The following PALM2AKAP2 variants were observed in gnomAD, a reference collection of about 807,000 sequenced individuals.
PALM2AKAP2 encodes PALM2 and AKAP2 fusion, also known as PALM2-AKAP2 fusion protein.
Under a neutral mutation model 71.5 loss-of-function variants are expected in PALM2AKAP2, and 37 were observed. The observed-to-expected ratio is 0.52, with a 90% CI of 0.40 to 0.68. PALM2AKAP2 has a LOEUF of 0.68. PALM2AKAP2 is among the 30% of genes least tolerant of loss of function. PALM2AKAP2 has a pLI of 0.00. For missense variants in PALM2AKAP2, 1,224 were observed against 1,191.8 expected (o/e 1.03, Z -0.40); for synonymous variants, 468 against 478.8 (o/e 0.98, Z 0.29).
At chr9:109,792,641 G>A (rs1183758355) in intron 1 of PALM2AKAP2, among the ~76,000 whole-genome samples, 2 of 152,064 alleles carry the variant, frequency 1.3e-5, no homozygotes, top group East Asian at 1.9e-4. Context: ...TTGAGGGTGG[G>A]AGGGTTGACC....
intron 1 of PALM2AKAP2, among the ~76,000 whole-genome samples, chr9:109,643,549 C>A (rs1827104708): frequency 6.6e-6 from 1 of 152,222 alleles, no homozygotes; most frequent in South Asian, 2.1e-4. Flanking sequence ...AAGGTTTCCT[C>A]CAGGTGTGCT....
intron 1 of PALM2AKAP2, among the ~76,000 whole-genome samples, chr9:109,689,255 T>A (rs1336054115): frequency 1.3e-5 from 2 of 148,626 alleles, no homozygotes; most frequent in African/African-American, 2.5e-5. Context: ...CAGGCTGGAG[T>A]GCAATGGTGC....
intron 2 of PALM2AKAP2, among the ~76,000 whole-genome samples, chr9:110,146,995 A>T (rs1836189879): frequency 6.6e-6 from 1 of 152,172 alleles, no homozygotes; most frequent in South Asian, 2.1e-4. Context: ...TCATGCCTGT[A>T]ATCCCAGCAC....
chr9:110,003,546 C>T (rs1390227806), intron 6 of PALM2AKAP2, among the ~76,000 whole-genome samples: 1 of 152,118 alleles, frequency 6.6e-6, no homozygotes, highest in East Asian at 1.9e-4. Context: ...TCTATTAGGT[C>T]CACTTGGTGC....
chr9:110,080,772 G>A (rs1280806706), intron 1 of PALM2AKAP2, among the ~76,000 whole-genome samples: 4 of 152,076 alleles, frequency 2.6e-5, no homozygotes, highest in Non-Finnish European at 5.9e-5. Flanking sequence ...TCCGCCTCCC[G>A]GGTTCAAGCG....
chr9:109,844,025 C>T lies in PALM2AKAP2; in HGVS notation c.46-23466C>T, dbSNP rs79480990. Among the ~76,000 whole-genome samples, 548 of 152,334 alleles carry T rather than the reference C, an allele frequency of 3.6e-3. 9 individuals carry two copies. Among genetic ancestry groups the T allele is most frequent in the African/African-American group, 0.013 (522 of 41,578 alleles). On this transcript the variant is annotated intron_variant, in intron 1 of 9. Transcript: ENST00000302798. The stretch of plus-strand genomic sequence containing the variant: ...CAACGGTTTTGCAGATTTGGGTTCT[C>T]TTTCTCAAACTGCCTTTTGATGATT...
rs902026624 is a variant in PALM2AKAP2 at position 109,668,062 on chromosome 9, A to T, written c.5+27196A>T. On this transcript the variant is annotated intron_variant, in intron 1 of 6. Transcript: ENST00000374531. Reference sequence around the variant, plus strand: ...CGCCATTCTCCTGCCTCAGCCTCCCAAGTAGCTGGGACTACAGGCGCCCGC... The same window carrying T: ...CGCCATTCTCCTGCCTCAGCCTCCCTAGTAGCTGGGACTACAGGCGCCCGC... 3.5e-5 allele frequency among the ~76,000 whole-genome samples: 2 copies of T among 57,636 alleles called. 1 individual carries two copies. The highest frequency in any genetic ancestry group is 6.0e-5 in the Non-Finnish European group (2 of 33,216). 37.8% of individuals were successfully genotyped at this position (57,636 alleles called of 152,430 possible).
intron 1 of PALM2AKAP2, among the ~76,000 whole-genome samples, chr9:110,064,197 C>A (rs1834024068): frequency 6.6e-6 from 1 of 152,156 alleles, no homozygotes; most frequent in Non-Finnish European, 1.5e-5. Context: ...AGTTAAAAGC[C>A]TGGCTGCCTA....
chr9:110,016,101 C>T, intron 7 of PALM2AKAP2, 62 bp downstream of exon 7: 4 of 1,528,512 alleles, frequency 2.6e-6, no homozygotes, highest in Non-Finnish European at 2.7e-6. Flanking sequence ...CAGCCGATGG[C>T]AGGTTTTTCT....
intron 1 of PALM2AKAP2, among the ~76,000 whole-genome samples, chr9:109,844,304 C>T (rs1828790489): frequency 2.0e-5 from 3 of 152,110 alleles, no homozygotes; most frequent in South Asian, 2.1e-4. Context: ...CTCAGAGTCT[C>T]ATTGGTCTGA....
At chr9:109,989,844 T>C (rs1832443693) in intron 6 of PALM2AKAP2, among the ~76,000 whole-genome samples, 1 of 152,210 alleles carries the variant, frequency 6.6e-6, no homozygotes, top group South Asian at 2.1e-4. Flanking sequence ...CACGTGGGCA[T>C]GTAGGTCACA....
chr9:110,109,115 C>G (rs1381045468), intron 1 of PALM2AKAP2, among the ~76,000 whole-genome samples: 1 of 151,798 alleles, frequency 6.6e-6, no homozygotes, highest in Non-Finnish European at 1.5e-5. Context: ...GTCAGGAGTT[C>G]GAGACCAACC....
intron 1 of PALM2AKAP2, among the ~76,000 whole-genome samples, chr9:109,783,092 G>A (rs1350904421): frequency 6.6e-6 from 1 of 152,060 alleles, no homozygotes; most frequent in Non-Finnish European, 1.5e-5. Context: ...CCAGTCTGCA[G>A]GGCCTTGGGC....
intron 1 of PALM2AKAP2, among the ~76,000 whole-genome samples, chr9:109,743,150 C>T (rs938925676): frequency 4.6e-5 from 7 of 152,158 alleles, no homozygotes; most frequent in African/African-American, 1.7e-4. Context: ...ACCTCCACAA[C>T]TCCCCAAATC....
At chr9:110,146,356 A>G (rs1836170531) in intron 2 of PALM2AKAP2, among the ~76,000 whole-genome samples, 1 of 152,138 alleles carries the variant, frequency 6.6e-6, no homozygotes, top group Non-Finnish European at 1.5e-5. Flanking sequence ...GTTCCTGCTG[A>G]TTGTGCTGGG....
At position 110,023,305 on chromosome 9, in the gene PALM2AKAP2, C is replaced by CTTTTTTTTTTTTTTTTTTTTTTT. The variant is rs149672913; in HGVS notation, c.582+7270_582+7292dup. ...GTGAGATGGTATCTCATTGTGGTTT[C>CTTTTTTTTTTTTTTTTTTTTTTT]TTTTTTTTTTTTTTTTTTTTTTTTT... On this transcript the variant is annotated intron_variant, in intron 7 of 9. Transcript: ENST00000302798. Among the ~76,000 whole-genome samples, 8 of 74,046 alleles carry CTTTTTTTTTTTTTTTTTTTTTTT rather than the reference C, an allele frequency of 1.1e-4. 1 individual carries two copies. Among genetic ancestry groups the CTTTTTTTTTTTTTTTTTTTTTTT allele is most frequent in the African/African-American group, 1.9e-4 (3 of 16,188 alleles). The allele number at this position is 74,046 out of a possible 152,430, so 48.6% of individuals were successfully genotyped here. A position where few individuals can be genotyped will look rare whatever the true frequency, so the allele number is the denominator to read the frequency against.
intron 1 of PALM2AKAP2, among the ~76,000 whole-genome samples, chr9:109,812,299 C>G (rs770776112): frequency 6.6e-6 from 1 of 152,056 alleles, no homozygotes; most frequent in Non-Finnish European, 1.5e-5. Context: ...CAAAGCCCTG[C>G]TCCTGAGTTG....
At chr9:109,834,655 TCAAA>T (rs138482058) in intron 1 of PALM2AKAP2, among the ~76,000 whole-genome samples, 6,589 of 152,208 alleles carry the variant, frequency 0.043, 220 homozygotes, top group African/African-American at 0.089. Flanking sequence ...CACTGGGAAG[TCAAA>T]CAGAGGCAAC....
intron 1 of PALM2AKAP2, among the ~76,000 whole-genome samples, chr9:109,763,061 G>A (rs1480166151): frequency 1.3e-5 from 2 of 152,134 alleles, no homozygotes; most frequent in African/African-American, 4.8e-5. Flanking sequence ...GTCAATAAGG[G>A]TAGAGCCTTT....
Sources: gnomAD v4.1 joint callset for allele counts (sites outside exome capture counted in the v4.1 genomes callset) on GRCh38, gnomAD v4.1.1 for gene constraint, MANE v1.5 for transcripts, NCBI Gene and HGNC (gene_info 2026-07-23, HGNC 2026-07-21) for gene names.